VPS13B: variants seen among roughly 807,000 people sequenced by gnomAD.
VPS13B encodes the protein vacuolar protein sorting 13 homolog B, also known as intermembrane lipid transfer protein VPS13B.
A neutral mutation model predicts 426.4 loss-of-function variants in VPS13B; 285 were observed. That is an observed-to-expected ratio of 0.67 (90% CI 0.61 to 0.74). The LOEUF (loss-of-function observed/expected upper bound fraction) is 0.74. Among genes scored for constraint, VPS13B ranks in the 30% least tolerant of loss-of-function variants. The probability of loss-of-function intolerance (pLI) is 0.00; values close to 1 mark genes in which losing one functional copy is unlikely to be tolerated. For missense variants in VPS13B, 4,537 were observed against 4,782.6 expected, an observed-to-expected ratio of 0.95 and a Z score of 1.51; for synonymous variants, 1,676 against 1,676.4, an observed-to-expected ratio of 1.00 and a Z score of 0.01.
Position 99,301,346 on chromosome 8 carries a change from T to G in VPS13B, c.2824+26092T>G, listed in dbSNP as rs139594553. ...TTTGCTCTTGTTGCGTAGGCTACAGTTTAATGGCGCAATCTCGGCTCACCG... is the reference window on the plus strand; with the variant it reads ...TTTGCTCTTGTTGCGTAGGCTACAGGTTAATGGCGCAATCTCGGCTCACCG... On this transcript the variant is annotated intron_variant, in intron 19 of 61. Transcript: ENST00000357162. Among the ~76,000 whole-genome samples the G allele has an allele frequency of 6.2e-4, 92 of 149,568 alleles. 3 individuals are homozygous for G. In the East Asian group the frequency reaches 0.018, roughly 29 times the overall value.
intron 33 of VPS13B, among the ~76,000 whole-genome samples, chr8:99,619,315 G>A (rs1490470066): frequency 1.3e-5 from 2 of 152,120 alleles, no homozygotes; most frequent in East Asian, 3.9e-4. Flanking sequence ...TGAGACACAT[G>A]GGCTGGGAGA....
In VPS13B at chr8:99,387,212, T is replaced by C. The variant is rs116687782; in HGVS notation, c.2934+2895T>C. On this transcript the variant is annotated intron_variant, in intron 20 of 61. Coordinates refer to ENST00000357162, the MANE Select transcript of VPS13B (RefSeq NM_152564.5). The stretch of plus-strand genomic sequence containing the variant: ...CAAAATGGGTATAAAATTTGCATTT[T>C]CTTTTTCCTTTTTCTTTTTTTTCCA... Among the ~76,000 whole-genome samples, 925 of 152,256 alleles carry C rather than the reference T, an allele frequency of 6.1e-3. 9 individuals are homozygous for C. Among genetic ancestry groups the C allele is most frequent in the African/African-American group, 0.021 (878 of 41,530 alleles).
At chr8:99,170,231 A>C in intron 16 of VPS13B, 68 bp downstream of exon 16, 3 of 1,562,110 alleles carry the variant, frequency 1.9e-6, no homozygotes, top group Non-Finnish European at 2.6e-6. Context: ...AAACCCCCAA[A>C]TGTATCTGTC....
chr8:99,827,262 A>G (rs1011108042), intron 51 of VPS13B, among the ~76,000 whole-genome samples: 4 of 152,148 alleles, frequency 2.6e-5, no homozygotes, highest in African/African-American at 9.7e-5. Context: ...TTTTTGATCT[A>G]TTCAGCGATT....
At chr8:99,110,838 T>A (rs974043392) in intron 5 of VPS13B, among the ~76,000 whole-genome samples, 1 of 151,972 alleles carries the variant, frequency 6.6e-6, no homozygotes, top group Non-Finnish European at 1.5e-5. Context: ...GCCATGCAGA[T>A]TGGGGCAAAC....
chr8:99,144,495 A>C (rs1264869637), intron 13 of VPS13B, among the ~76,000 whole-genome samples: 1 of 151,888 alleles, frequency 6.6e-6, no homozygotes, highest in African/African-American at 2.4e-5. Flanking sequence ...TTTCAAAAAA[A>C]AAAAAAAAAA....
intron 25 of VPS13B, among the ~76,000 whole-genome samples, chr8:99,494,581 A>G (rs889134291): frequency 7.2e-5 from 11 of 152,094 alleles, no homozygotes; most frequent in Middle Eastern, 6.3e-3. Flanking sequence ...GATTAGTTCT[A>G]AAAGTTTTCT....
intron 3 of VPS13B, among the ~76,000 whole-genome samples, chr8:99,084,829 T>C (rs993871392): frequency 2.0e-5 from 3 of 152,212 alleles, no homozygotes; most frequent in Admixed American, 2.0e-4. Flanking sequence ...CAGTTTGTTA[T>C]AATTACTGTT....
intron 16 of VPS13B, among the ~76,000 whole-genome samples, chr8:99,171,781 A>G (rs940218062): frequency 2.0e-5 from 3 of 152,110 alleles, no homozygotes; most frequent in Non-Finnish European, 4.4e-5. Context: ...AAATTTTCTT[A>G]ATAAATGTAA....
chr8:99,262,048 A>G (rs371597927), intron 17 of VPS13B, among the ~76,000 whole-genome samples: 61 of 152,162 alleles, frequency 4.0e-4, no homozygotes, highest in Non-Finnish European at 7.4e-4. Context: ...TTTGCTGGTG[A>G]TTACAGCAAT....
intron 24 of VPS13B, 76 bp downstream of exon 24, chr8:99,467,710 G>T (rs1819185058): frequency 6.8e-7 from 1 of 1,472,492 alleles, no homozygotes. Flanking sequence ...TTTGTTGAAG[G>T]GTTTCTCTTC....
intron 19 of VPS13B, among the ~76,000 whole-genome samples, chr8:99,306,532 A>G (rs1820644799): frequency 6.6e-6 from 1 of 152,088 alleles, no homozygotes; most frequent in South Asian, 2.1e-4. Flanking sequence ...TATTTGATTC[A>G]GGATTGTTTT....
chr8:99,526,509 T>C (rs1210604984), intron 30 of VPS13B, among the ~76,000 whole-genome samples: 1 of 152,120 alleles, frequency 6.6e-6, no homozygotes, highest in African/African-American at 2.4e-5. Flanking sequence ...GGTCAGATTC[T>C]GGAGATGTTT....
chr8:99,183,701 G>A (rs549128105), intron 16 of VPS13B, among the ~76,000 whole-genome samples: 17 of 152,074 alleles, frequency 1.1e-4, no homozygotes, highest in African/African-American at 4.1e-4. Flanking sequence ...CATAAATGTA[G>A]TATTGAAGTA....
chr8:99,183,141 T>C (rs567086264), intron 16 of VPS13B, among the ~76,000 whole-genome samples: 1 of 152,318 alleles, frequency 6.6e-6, no homozygotes, highest in African/African-American at 2.4e-5. Context: ...CAGAATGAAC[T>C]CATGGTTTTT....
chr8:99,178,180 A>G (rs566177244), intron 16 of VPS13B, among the ~76,000 whole-genome samples: 1 of 150,390 alleles, frequency 6.6e-6, no homozygotes, highest in East Asian at 1.9e-4. Context: ...ATTATACTCT[A>G]AGTTTTAGGG....
intron 20 of VPS13B, among the ~76,000 whole-genome samples, chr8:99,386,423 C>T (rs1814126522): frequency 6.6e-6 from 1 of 152,124 alleles, no homozygotes; most frequent in Admixed American, 6.5e-5. Flanking sequence ...GATGGTATGA[C>T]CTGCTAGACA....
intron 3 of VPS13B, among the ~76,000 whole-genome samples, chr8:99,076,452 G>T (rs191769419): frequency 6.6e-6 from 1 of 152,198 alleles, no homozygotes; most frequent in Non-Finnish European, 1.5e-5. Flanking sequence ...TGAGAGTGGG[G>T]TATTCAAATG....
At chr8:99,486,821 C>T (rs548420939) in intron 25 of VPS13B, among the ~76,000 whole-genome samples, 12 of 152,240 alleles carry the variant, frequency 7.9e-5, no homozygotes, top group African/African-American at 2.2e-4. Flanking sequence ...GTTTCCTCTT[C>T]GTTTCTGACA....
Sources: allele counts gnomAD v4.1 joint callset (sites outside exome capture counted in the v4.1 genomes callset), GRCh38; gene constraint gnomAD v4.1.1; transcripts MANE v1.5; gene names NCBI Gene and HGNC (gene_info 2026-07-23, HGNC 2026-07-21).